DNAJB14: variants seen among roughly 807,000 people sequenced by gnomAD.
DNAJB14 encodes the protein DnaJ heat shock protein family (Hsp40) member B14.
In DNAJB14, 22 loss-of-function variants were observed where a neutral mutation model predicts 48.4. That is an observed-to-expected ratio of 0.45 (90% CI 0.32 to 0.65). The LOEUF (loss-of-function observed/expected upper bound fraction) is 0.65, where lower values mean the gene tolerates loss of function less well. Ranked by LOEUF, DNAJB14 falls within the 30% of genes least tolerant of loss-of-function variation. The pLI, the probability that DNAJB14 is intolerant of heterozygous loss-of-function variation, is 0.03. For missense variants in DNAJB14, 319 were observed against 458.8 expected, an observed-to-expected ratio of 0.70 and a Z score of 2.78; for synonymous variants, 142 against 158.7, an observed-to-expected ratio of 0.89 and a Z score of 0.79.
rs747047018 is a variant in DNAJB14 at position 99,930,661 on chromosome 4, C to T, written c.134-40G>A. The T allele has an allele frequency of 4.5e-6, 7 of 1,545,498 alleles. No individual in the cohort carries two copies. In the East Asian group the frequency reaches 6.9e-5, roughly 15 times the overall value. On this transcript the variant is annotated intron_variant, in intron 1 of 7. Coordinates refer to ENST00000442697, the MANE Select transcript of DNAJB14 (RefSeq NM_001031723.4). Reference sequence around the variant, plus strand: ...AGTACACTATGCCTGTTTACATCAACGTACATACACAAGATCCTGAGAAGA... The same window carrying T: ...AGTACACTATGCCTGTTTACATCAATGTACATACACAAGATCCTGAGAAGA...
intron 3 of DNAJB14, among the ~76,000 whole-genome samples, chr4:99,914,516 G>T (rs1725782030): frequency 6.6e-6 from 1 of 152,084 alleles, no homozygotes; most frequent in African/African-American, 2.4e-5. Flanking sequence ...AGTGGCGAGG[G>T]ATAGCATTAG....
intron 1 of DNAJB14, among the ~76,000 whole-genome samples, chr4:99,945,351 T>C (rs1389275850): frequency 6.6e-6 from 1 of 152,012 alleles, no homozygotes; most frequent in Non-Finnish European, 1.5e-5. Flanking sequence ...GAGAAAAAAA[T>C]TTAAGAGACA....
chr4:99,927,159 T>C (rs1726286646), intron 2 of DNAJB14: 1 of 152,144 alleles, frequency 6.6e-6, no homozygotes, highest in Admixed American at 6.5e-5. Context: ...AAGGAAATAA[T>C]GTACAACAAG....
chr4:99,944,866 C>T (rs1727011741), intron 1 of DNAJB14, among the ~76,000 whole-genome samples: 3 of 152,082 alleles, frequency 2.0e-5, no homozygotes, highest in Admixed American at 2.0e-4. Context: ...CGTGAGCCAC[C>T]GCGCCCAGCC....
intron 5 of DNAJB14, chr4:99,905,931 T>C (rs2110193723): frequency 1.5e-6 from 2 of 1,348,958 alleles, no homozygotes; most frequent in East Asian, 2.9e-5. Context: ...GATTTCATTT[T>C]ATAGATGAGG....
intron 1 of DNAJB14, among the ~76,000 whole-genome samples, chr4:99,939,120 G>C (rs1347436115): frequency 1.3e-5 from 2 of 152,224 alleles, no homozygotes; most frequent in African/African-American, 2.4e-5. Flanking sequence ...CCAGCACTTT[G>C]GGAGGTTGAG....
intron 7 of DNAJB14, among the ~76,000 whole-genome samples, chr4:99,902,083 A>G (rs908345813): frequency 2.0e-5 from 3 of 152,154 alleles, no homozygotes; most frequent in South Asian, 2.1e-4. Flanking sequence ...GCTTATATCT[A>G]TTTACAGATG....
chr4:99,906,905 G>T (rs1578213769), intron 4 of DNAJB14, among the ~76,000 whole-genome samples: 1 of 152,118 alleles, frequency 6.6e-6, no homozygotes, highest in East Asian at 1.9e-4. Flanking sequence ...ATGATTAGTT[G>T]TGATTAGTTG....
intron 3 of DNAJB14, among the ~76,000 whole-genome samples, chr4:99,916,528 G>C (rs1725860616): frequency 6.6e-6 from 1 of 152,156 alleles, no homozygotes. Context: ...TGATAAGTTA[G>C]GGTTTAAGCC....
At chr4:99,941,503 G>A (rs569832892) in intron 1 of DNAJB14, among the ~76,000 whole-genome samples, 35 of 152,190 alleles carry the variant, frequency 2.3e-4, no homozygotes, top group African/African-American at 7.2e-4. Flanking sequence ...ATAAGCCTGC[G>A]AAGATTACAA....
chr4:99,934,282 G>A (rs934395067), intron 1 of DNAJB14, among the ~76,000 whole-genome samples: 5 of 152,046 alleles, frequency 3.3e-5, no homozygotes, highest in African/African-American at 4.8e-5. Context: ...GTATTTACCA[G>A]CACATAAAAA....
At chr4:99,905,966 C>A in intron 5 of DNAJB14, 1 of 1,299,790 alleles carries the variant, frequency 7.7e-7, no homozygotes, top group Non-Finnish European at 9.8e-7. Flanking sequence ...TTCTCTTTCT[C>A]TTTCCCGACT....
intron 3 of DNAJB14, among the ~76,000 whole-genome samples, chr4:99,919,494 G>A (rs766094883): frequency 6.6e-6 from 1 of 152,144 alleles, no homozygotes; most frequent in African/African-American, 2.4e-5. Context: ...CTGAGGCAGA[G>A]AATTGCTTGA....
chr4:99,937,598 C>T (rs1184876073), intron 1 of DNAJB14, among the ~76,000 whole-genome samples: 2 of 151,612 alleles, frequency 1.3e-5, no homozygotes, highest in African/African-American at 4.9e-5. Flanking sequence ...TGGTGGCATA[C>T]GCCTGTAGTA....
rs1286075639 is a variant in DNAJB14 at position 99,897,356 on chromosome 4, G to A, written c.*3672C>T. The A allele has an allele frequency of 6.6e-6, 1 of 151,710 alleles. No individual in the cohort carries two copies. Among genetic ancestry groups the A allele is most frequent in the Non-Finnish European group, 1.5e-5 (1 of 67,816 alleles). 9.4% of individuals were successfully genotyped at this position (151,710 alleles called of 1,614,324 possible). A position where few individuals can be genotyped will look rare whatever the true frequency, so the allele number is the denominator to read the frequency against. ...ATAGGGAATATACAAAAAATATGGT[G>A]CTATAATCCTTAATATAAGGAGTAT... On this transcript the variant is annotated 3_prime_UTR_variant, in exon 8 of 8. Coordinates refer to ENST00000442697, the MANE Select transcript of DNAJB14 (RefSeq NM_001031723.4).
At chr4:99,930,994 G>T (rs1726447754) in intron 1 of DNAJB14, among the ~76,000 whole-genome samples, 1 of 152,238 alleles carries the variant, frequency 6.6e-6, no homozygotes, top group South Asian at 2.1e-4. Context: ...ATTCTCAATA[G>T]CAACAATGGG....
chr4:99,926,731 A>C (rs1404658801), intron 2 of DNAJB14: 1 of 152,082 alleles, frequency 6.6e-6, no homozygotes, highest in Non-Finnish European at 1.5e-5. Context: ...AAGAATTGCC[A>C]CAGACAAACA....
At chr4:99,921,850 T>C (rs1271679595) in intron 3 of DNAJB14, among the ~76,000 whole-genome samples, 2 of 152,226 alleles carry the variant, frequency 1.3e-5, no homozygotes, top group Non-Finnish European at 2.9e-5. Flanking sequence ...TATTGAATTA[T>C]AAATTAACCT....
At position 99,896,613 on chromosome 4, in the gene DNAJB14, A is replaced by C. The variant is rs941698517; in HGVS notation, c.*4415T>G. 9.9e-5 allele frequency: 15 copies of C among 152,204 alleles called. No homozygotes were observed. The highest frequency in any genetic ancestry group is 3.4e-4 in the African/African-American group (14 of 41,466). 9.4% of individuals were successfully genotyped at this position (152,204 alleles called of 1,614,324 possible). On this transcript the variant is annotated 3_prime_UTR_variant, in exon 8 of 8. Coordinates refer to ENST00000442697, the MANE Select transcript of DNAJB14 (RefSeq NM_001031723.4). ...GTAGCAATCCAAAAACTAAAACTAG[A>C]AATTGGCAAGAAGCATTTCTTAATA... is the stretch of plus-strand genomic sequence containing the variant.
Sources: allele counts gnomAD v4.1 joint callset (sites outside exome capture counted in the v4.1 genomes callset), GRCh38; gene constraint gnomAD v4.1.1; transcripts MANE v1.5; gene names NCBI Gene and HGNC (gene_info 2026-07-23, HGNC 2026-07-21).